SDK1: variants seen among roughly 807,000 people sequenced by gnomAD.
The protein encoded by SDK1 is protein sidekick-1.
A neutral mutation model predicts 245.5 loss-of-function variants in SDK1; 157 were observed. The ratio of observed to expected loss-of-function variants is 0.64; its 90% confidence interval spans 0.56 to 0.73. The LOEUF (loss-of-function observed/expected upper bound fraction) is 0.73, where lower values mean the gene tolerates loss of function less well. SDK1 is among the 30% of genes least tolerant of loss of function. SDK1 has a pLI of 0.00. For missense variants in SDK1, 3,583 were observed against 3,002.3 expected, an observed-to-expected ratio of 1.19 and a Z score of -4.52; for synonymous variants, 1,647 against 1,278.5, an observed-to-expected ratio of 1.29 and a Z score of -6.15.
chr7:4,011,388 G>A (rs1303016972), intron 15 of SDK1, among the ~76,000 whole-genome samples: 3 of 152,240 alleles, frequency 2.0e-5, no homozygotes, highest in African/African-American at 7.2e-5. Flanking sequence ...TGACAGCACA[G>A]CCCTCTGTGT....
At position 3,325,434 on chromosome 7, in the gene SDK1, C is replaced by G. The variant is rs549327745; in HGVS notation, c.298+23550C>G. ...TATTTTCATTGATATTCAACGAATA[C>G]CAATTTAAGGAGAGAAACATAGATA... On this transcript the variant is annotated intron_variant, in intron 1 of 44. Coordinates refer to ENST00000404826, the MANE Select transcript of SDK1 (RefSeq NM_152744.4). Among the ~76,000 whole-genome samples, 27 of 152,002 alleles carry G rather than the reference C, an allele frequency of 1.8e-4. No individual in the cohort carries two copies. The East Asian group carries it at 4.6e-3, about 26-fold the overall frequency.
intron 4 of SDK1, among the ~76,000 whole-genome samples, chr7:3,737,802 C>T (rs899899211): frequency 6.6e-6 from 1 of 152,222 alleles, no homozygotes; most frequent in Non-Finnish European, 1.5e-5. Context: ...CCACCTTAGG[C>T]TCTCTTTTTC....
At chr7:4,201,823 C>T (rs1194391939) in intron 35 of SDK1, among the ~76,000 whole-genome samples, 1 of 152,088 alleles carries the variant, frequency 6.6e-6, no homozygotes, top group Non-Finnish European at 1.5e-5. Context: ...ACAGCAGACA[C>T]CCAGCATGGC....
At chr7:4,055,296 C>G (rs1276361683) in intron 19 of SDK1, among the ~76,000 whole-genome samples, 1 of 152,118 alleles carries the variant, frequency 6.6e-6, no homozygotes, top group African/African-American at 2.4e-5. Context: ...TCCAGGTTGT[C>G]TGTTTCATCT....
chr7:3,687,435 T>G (rs1199350144), intron 4 of SDK1, among the ~76,000 whole-genome samples: 1 of 152,188 alleles, frequency 6.6e-6, no homozygotes, highest in Non-Finnish European at 1.5e-5. Context: ...CCCCATAGCA[T>G]TTTTATTCAT....
At chr7:3,633,558 A>G (rs1344282160) in intron 2 of SDK1, among the ~76,000 whole-genome samples, 1 of 152,070 alleles carries the variant, frequency 6.6e-6, no homozygotes, top group African/African-American at 2.4e-5. Flanking sequence ...TTATCTTCCC[A>G]TGATTTTTAG....
At chr7:3,962,032 CAT>C (rs1032019443) in intron 8 of SDK1, among the ~76,000 whole-genome samples, 17 of 152,222 alleles carry the variant, frequency 1.1e-4, no homozygotes, top group African/African-American at 3.9e-4. Flanking sequence ...GACACATGCA[CAT>C]ATATACACAC....
chr7:4,039,588 C>G (rs754473408), intron 17 of SDK1, among the ~76,000 whole-genome samples: 1 of 152,106 alleles, frequency 6.6e-6, no homozygotes, highest in Non-Finnish European at 1.5e-5. Context: ...TTTGATTGGA[C>G]AATTAAAGTT....
intron 20 of SDK1, among the ~76,000 whole-genome samples, chr7:4,071,433 G>A (rs940395564): frequency 1.3e-5 from 2 of 152,198 alleles, no homozygotes; most frequent in African/African-American, 2.4e-5. Context: ...GGAATGGGGG[G>A]AAGTCACTAC....
chr7:4,097,498 A>G (rs1358164592), intron 22 of SDK1, among the ~76,000 whole-genome samples: 1 of 152,236 alleles, frequency 6.6e-6, no homozygotes, highest in East Asian at 1.9e-4. Flanking sequence ...CACACATGCC[A>G]TCCGGGACAG....
intron 1 of SDK1, among the ~76,000 whole-genome samples, chr7:3,404,060 T>C (rs1252912354): frequency 6.6e-6 from 1 of 151,348 alleles, no homozygotes; most frequent in South Asian, 2.1e-4. Flanking sequence ...GCATTATGGC[T>C]AACAAGAGTA....
At chr7:3,471,417 C>A (rs990241324) in intron 1 of SDK1, among the ~76,000 whole-genome samples, 1 of 152,076 alleles carries the variant, frequency 6.6e-6, no homozygotes, top group Admixed American at 6.6e-5. Flanking sequence ...ATTATCATCT[C>A]CTGATATTGT....
At chr7:3,517,576 T>A (rs1303018831) in intron 1 of SDK1, among the ~76,000 whole-genome samples, 1 of 152,158 alleles carries the variant, frequency 6.6e-6, no homozygotes, top group Non-Finnish European at 1.5e-5. Flanking sequence ...GCCAGGCACA[T>A]ATCACTTTTC....
chr7:3,756,875 G>C (rs1366068792), intron 4 of SDK1, among the ~76,000 whole-genome samples: 1 of 152,100 alleles, frequency 6.6e-6, no homozygotes, highest in Non-Finnish European at 1.5e-5. Flanking sequence ...ATCATATCGG[G>C]GGCACCGGTC....
chr7:3,941,912 T>C (rs1487895262), intron 5 of SDK1, among the ~76,000 whole-genome samples: 2 of 150,012 alleles, frequency 1.3e-5, no homozygotes, highest in Non-Finnish European at 3.0e-5. Context: ...TCATTCTTTT[T>C]TTTTTTTTTT....
At chr7:4,087,103 G>A (rs1781471685) in intron 22 of SDK1, among the ~76,000 whole-genome samples, 1 of 151,464 alleles carries the variant, frequency 6.6e-6, no homozygotes, top group South Asian at 2.1e-4. Context: ...ATCATAGGCA[G>A]AAAGGTTTTC....
Position 4,247,581 on chromosome 7 carries a change from G to A in SDK1, c.6381+1776G>A, listed in dbSNP as rs147186397. On this transcript the variant is annotated intron_variant, in intron 44 of 44. Transcript: ENST00000404826. ...TCAGCAAAGAGGCTCATCTCACAGC[G>A]CCGGCCTCGGGCCTGTCCCTGCTGC... Among the ~76,000 whole-genome samples the A allele has an allele frequency of 5.8e-4, 88 of 152,352 alleles. 1 individual carries two copies. The highest frequency in any genetic ancestry group is 1.7e-3 in the African/African-American group (72 of 41,574).
intron 32 of SDK1, among the ~76,000 whole-genome samples, chr7:4,166,629 C>A (rs1781517118): frequency 6.6e-6 from 1 of 152,236 alleles, no homozygotes; most frequent in African/African-American, 2.4e-5. Flanking sequence ...AATCCCTGTT[C>A]TACTCTCCAC....
intron 4 of SDK1, among the ~76,000 whole-genome samples, chr7:3,654,297 A>C (rs575587065): frequency 6.6e-5 from 10 of 152,144 alleles, no homozygotes; most frequent in Admixed American, 3.9e-4. Context: ...TCCTGGGGCA[A>C]ATTAGTGTCC....
Sources: gnomAD v4.1 joint callset for allele counts (sites outside exome capture counted in the v4.1 genomes callset) on GRCh38, gnomAD v4.1.1 for gene constraint, MANE v1.5 for transcripts, NCBI Gene and HGNC (gene_info 2026-07-23, HGNC 2026-07-21) for gene names.